The following CLVS2 variants were observed in gnomAD, a reference collection of about 807,000 sequenced individuals.
CLVS2 encodes the protein clavesin-2.
In CLVS2, 19 loss-of-function variants were observed where a neutral mutation model predicts 29.0. The ratio of observed to expected loss-of-function variants is 0.66; its 90% CI spans 0.46 to 0.96. The LOEUF (loss-of-function observed/expected upper bound fraction) is 0.96, where lower values mean the gene tolerates loss of function less well. Among genes scored for constraint, CLVS2 ranks in the 40% least tolerant of loss-of-function variants. The pLI is 0.00. For missense variants in CLVS2, 294 were observed against 404.1 expected, an observed-to-expected ratio of 0.73 and a Z score of 2.34; for synonymous variants, 161 against 151.3, an observed-to-expected ratio of 1.06 and a Z score of -0.47.
chr6:123,067,244 C>T lies in CLVS2; in HGVS notation c.*3483C>T, dbSNP rs114285264. 205 of 151,788 alleles carry T rather than the reference C, an allele frequency of 1.4e-3. No homozygotes were observed. Among genetic ancestry groups the T allele is most frequent in the African/African-American group, 4.6e-3 (190 of 41,526 alleles). The allele number at this position is 151,788 out of a possible 1,614,324, so 9.4% of individuals were successfully genotyped here. A position where few individuals can be genotyped will look rare whatever the true frequency, so the allele number is the denominator to read the frequency against. ...TATTCCTGAGGGAAAAGAGGTCCCT[C>T]TATTGCATCAAGAAATTGGAGAGTT... On this transcript the variant is annotated 3_prime_UTR_variant, in exon 6 of 6. Transcript: ENST00000275162.
intron 3 of CLVS2, among the ~76,000 whole-genome samples, chr6:123,044,002 C>A (rs1404529342): frequency 2.6e-5 from 4 of 152,140 alleles, no homozygotes; most frequent in African/African-American, 9.7e-5. Context: ...TAATTTACCC[C>A]ATAAATGACA....
At chr6:123,034,615 C>G (rs1454535593) in intron 3 of CLVS2, among the ~76,000 whole-genome samples, 1 of 152,036 alleles carries the variant, frequency 6.6e-6, no homozygotes, top group East Asian at 1.9e-4. Flanking sequence ...TGAAGCAGCC[C>G]TGTGGTGATA....
At chr6:123,025,248 C>T (rs974055715) in intron 3 of CLVS2, among the ~76,000 whole-genome samples, 1 of 152,006 alleles carries the variant, frequency 6.6e-6, no homozygotes, top group Non-Finnish European at 1.5e-5. Context: ...GCACGCCTTA[C>T]CCCCCACATT....
intron 4 of CLVS2, among the ~76,000 whole-genome samples, chr6:123,049,784 C>T (rs1489214671): frequency 1.4e-5 from 2 of 142,824 alleles, no homozygotes; most frequent in Non-Finnish European, 1.5e-5. Flanking sequence ...GAATATCACA[C>T]ACCGGGGCCT....
chr6:123,046,866 G>A (rs78321167), intron 3 of CLVS2, among the ~76,000 whole-genome samples: 2,253 of 152,204 alleles, frequency 0.015, 60 homozygotes, highest in African/African-American at 0.051. Flanking sequence ...TCAAGAATGT[G>A]AGACAAATCC....
intron 3 of CLVS2, among the ~76,000 whole-genome samples, chr6:123,033,310 A>T (rs1355090685): frequency 6.6e-6 from 1 of 152,112 alleles, no homozygotes; most frequent in Non-Finnish European, 1.5e-5. Flanking sequence ...TCAAATTGAT[A>T]TAGCAGTAAT....
chr6:123,057,251 T>C (rs986182763), intron 5 of CLVS2, among the ~76,000 whole-genome samples: 1 of 151,714 alleles, frequency 6.6e-6, no homozygotes, highest in Non-Finnish European at 1.5e-5. Context: ...ATGTCTGGCA[T>C]CCTTCTCTGA....
At chr6:123,013,609 A>G (rs1206107136) in intron 3 of CLVS2, among the ~76,000 whole-genome samples, 3 of 151,994 alleles carry the variant, frequency 2.0e-5, no homozygotes, top group Non-Finnish European at 4.4e-5. Flanking sequence ...GCTGTAACCT[A>G]TCAATCCACA....
At chr6:123,055,057 A>T (rs1421032465) in intron 4 of CLVS2, among the ~76,000 whole-genome samples, 1 of 152,166 alleles carries the variant, frequency 6.6e-6, no homozygotes, top group Non-Finnish European at 1.5e-5. Flanking sequence ...AAAAATGAGG[A>T]GAGCATTTTG....
chr6:123,059,664 A>G (rs924418915), intron 5 of CLVS2, among the ~76,000 whole-genome samples: 21 of 152,214 alleles, frequency 1.4e-4, no homozygotes, highest in Non-Finnish European at 2.9e-4. Flanking sequence ...TCAAGCAGCC[A>G]AAACTGACTG....
At chr6:123,019,186 C>T (rs988817357) in intron 3 of CLVS2, among the ~76,000 whole-genome samples, 11 of 152,002 alleles carry the variant, frequency 7.2e-5, no homozygotes, top group African/African-American at 9.7e-5. Context: ...ACTCAGACAA[C>T]GGACAATCAT....
At chr6:123,022,734 T>C (rs1774942353) in intron 3 of CLVS2, among the ~76,000 whole-genome samples, 2 of 151,958 alleles carry the variant, frequency 1.3e-5, no homozygotes, top group African/African-American at 4.8e-5. Flanking sequence ...AAACCATGCT[T>C]ATTTGTAGCT....
At chr6:123,015,037 T>C (rs1409294880) in intron 3 of CLVS2, among the ~76,000 whole-genome samples, 2 of 12,180 alleles carry the variant, frequency 1.6e-4, no homozygotes, top group Admixed American at 8.6e-4. Flanking sequence ...TGAGTGAAAG[T>C]TTGCTAAGTG....
At chr6:123,049,114 A>G (rs1189015185) in intron 4 of CLVS2, among the ~76,000 whole-genome samples, 1 of 152,188 alleles carries the variant, frequency 6.6e-6, no homozygotes, top group Non-Finnish European at 1.5e-5. Flanking sequence ...TTTTCACAGT[A>G]TGTACCGCAA....
At chr6:123,003,535 T>C (rs1490564775) in intron 2 of CLVS2, among the ~76,000 whole-genome samples, 1 of 152,166 alleles carries the variant, frequency 6.6e-6, no homozygotes, top group African/African-American at 2.4e-5. Context: ...ATCGTTATGA[T>C]ACCATATGAC....
rs955750667 is a variant in CLVS2 at position 123,067,304 on chromosome 6, C to T, written c.*3543C>T. 3 of 151,590 alleles carry T rather than the reference C, an allele frequency of 2.0e-5. No homozygotes were observed. Among genetic ancestry groups the T allele is most frequent in the Non-Finnish European group, 4.4e-5 (3 of 67,718 alleles). 9.4% of individuals were successfully genotyped at this position (151,590 alleles called of 1,614,324 possible). A position where few individuals can be genotyped will look rare whatever the true frequency, so the allele number is the denominator to read the frequency against. The stretch of plus-strand genomic sequence containing the variant: ...ATTGGGGAATATGTTTATGACTCTT[C>T]ACATAAAGAAACCTTCAGAGCCATG... On this transcript the variant is annotated 3_prime_UTR_variant, in exon 6 of 6. Transcript: ENST00000275162.
chr6:123,002,181 A>G (rs1054220116), intron 2 of CLVS2, among the ~76,000 whole-genome samples: 1 of 152,338 alleles, frequency 6.6e-6, no homozygotes, highest in Admixed American at 6.5e-5. Context: ...GATTCTTAAT[A>G]TGGTGGCAAT....
intron 3 of CLVS2, among the ~76,000 whole-genome samples, chr6:123,039,566 T>C (rs1659504507): frequency 6.6e-6 from 1 of 152,170 alleles, no homozygotes; most frequent in Non-Finnish European, 1.5e-5. Context: ...TTGTGTCACA[T>C]TCTCTAGGCT....
At chr6:123,012,139 C>T (rs1469839558) in intron 3 of CLVS2, among the ~76,000 whole-genome samples, 1 of 151,944 alleles carries the variant, frequency 6.6e-6, no homozygotes, top group African/African-American at 2.4e-5. Flanking sequence ...TGTAGGCTTC[C>T]TGACTTGCTC....
Sources: allele counts gnomAD v4.1 joint callset (sites outside exome capture counted in the v4.1 genomes callset), GRCh38; gene constraint gnomAD v4.1.1; transcripts MANE v1.5; gene names NCBI Gene and HGNC (gene_info 2026-07-23, HGNC 2026-07-21).